The following NEURL1 variants were observed in gnomAD, a reference collection of about 807,000 sequenced individuals.
NEURL1 encodes E3 ubiquitin-protein ligase NEURL1.
In NEURL1, 26 loss-of-function variants were observed where a neutral mutation model predicts 41.2. That is an observed-to-expected ratio of 0.63 (90% CI 0.46 to 0.87). The LOEUF (loss-of-function observed/expected upper bound fraction) is 0.87, where lower values mean the gene tolerates loss of function less well. NEURL1 is among the 40% of genes least tolerant of loss of function. The pLI is 0.00. For missense variants in NEURL1, 761 were observed against 871.1 expected, an observed-to-expected ratio of 0.87 and a Z score of 1.59; for synonymous variants, 400 against 402.3, an observed-to-expected ratio of 0.99 and a Z score of 0.07.
chr10:103,554,484 A>G (rs1056740673), intron 1 of NEURL1, among the ~76,000 whole-genome samples: 1 of 152,046 alleles, frequency 6.6e-6, no homozygotes, highest in African/African-American at 2.4e-5. Flanking sequence ...GTGTATGTGC[A>G]TGGTTAAAGG....
chr10:103,542,094 G>C (rs749069113), intron 1 of NEURL1, among the ~76,000 whole-genome samples: 2 of 152,186 alleles, frequency 1.3e-5, no homozygotes, highest in Non-Finnish European at 2.9e-5. Context: ...GGGTCACCTG[G>C]CCATTCTTGA....
At chr10:103,562,249 G>A (rs1264295652) in intron 1 of NEURL1, among the ~76,000 whole-genome samples, 1 of 152,172 alleles carries the variant, frequency 6.6e-6, no homozygotes, top group African/African-American at 2.4e-5. Context: ...CAGGCGTGGT[G>A]GCTCGCGCCT....
intron 4 of NEURL1, 122 bp from the exon 5 acceptor site, chr10:103,589,392 G>T: frequency 2.7e-6 from 3 of 1,111,298 alleles, no homozygotes; most frequent in Non-Finnish European, 3.8e-6. Flanking sequence ...GCAAAATCCC[G>T]CTCTTGGCCC....
chr10:103,563,149 A>G (rs1182176401), intron 1 of NEURL1, among the ~76,000 whole-genome samples: 1 of 152,214 alleles, frequency 6.6e-6, no homozygotes, highest in Non-Finnish European at 1.5e-5. Context: ...CTCCCATTGG[A>G]CTGAAATGAG....
chr10:103,555,902 A>G (rs1717401713), intron 1 of NEURL1, among the ~76,000 whole-genome samples: 1 of 152,178 alleles, frequency 6.6e-6, no homozygotes, highest in African/African-American at 2.4e-5. Flanking sequence ...GGAGCCCCGC[A>G]AAGACATGTG....
intron 4 of NEURL1, among the ~76,000 whole-genome samples, chr10:103,589,238 T>A (rs1285102492): frequency 1.3e-5 from 2 of 152,192 alleles, no homozygotes; most frequent in African/African-American, 2.4e-5. Flanking sequence ...TTGGAGCTGC[T>A]GTTTTAACAA....
intron 4 of NEURL1, chr10:103,588,942 G>GAAAAAA: frequency 2.8e-5 from 9 of 319,072 alleles, no homozygotes; most frequent in East Asian, 9.2e-5. Context: ...GACTCCGTCT[G>GAAAAAA]AAAAAAAAAA....
intron 3 of NEURL1, among the ~76,000 whole-genome samples, chr10:103,573,183 A>G (rs867485569): frequency 2.6e-5 from 4 of 152,190 alleles, no homozygotes; most frequent in Admixed American, 6.5e-5. Flanking sequence ...TTTCACCTCA[A>G]CAAAAGTGTT....
At chr10:103,515,825 G>A (rs1302183672) in intron 1 of NEURL1, among the ~76,000 whole-genome samples, 1 of 152,210 alleles carries the variant, frequency 6.6e-6, no homozygotes, top group African/African-American at 2.4e-5. Flanking sequence ...AGAGGGACAA[G>A]TTGGAAGACC....
In NEURL1 at chr10:103,494,199, G is replaced by T; in HGVS notation, c.-189G>T. 2.0e-6 allele frequency: 1 copy of T among 511,128 alleles called. No individual in the cohort carries two copies. 31.7% of individuals were successfully genotyped at this position (511,128 alleles called of 1,614,324 possible). On this transcript the variant is annotated 5_prime_UTR_variant, in exon 1 of 6. Transcript: ENST00000369780. ...TGCGCCAGGACACCCGTGGCGGGCG[G>T]AACCCGCCAAGGACCGCGAAGTCCA...
chr10:103,505,243 A>G (rs1438703802), intron 1 of NEURL1, among the ~76,000 whole-genome samples: 1 of 123,822 alleles, frequency 8.1e-6, no homozygotes, highest in African/African-American at 2.9e-5. Context: ...TTTTTTTGGT[A>G]GACGGAGTCT....
At chr10:103,503,963 A>T (rs773258107) in intron 1 of NEURL1, among the ~76,000 whole-genome samples, 182 of 57,844 alleles carry the variant, frequency 3.1e-3, no homozygotes, top group Non-Finnish European at 3.6e-3. Context: ...CTAGTATTTT[A>T]TTTATTTATT....
At chr10:103,546,322 C>A (rs1317780965) in intron 1 of NEURL1, among the ~76,000 whole-genome samples, 3 of 152,248 alleles carry the variant, frequency 2.0e-5, no homozygotes, top group African/African-American at 7.2e-5. Flanking sequence ...TCTGGCCCAG[C>A]TCTGGCACTT....
chr10:103,532,641 T>C (rs2034595023), intron 1 of NEURL1, among the ~76,000 whole-genome samples: 2 of 152,226 alleles, frequency 1.3e-5, no homozygotes, highest in Non-Finnish European at 2.9e-5. Context: ...CTTAGTCTAA[T>C]AGATATTCCT....
intron 1 of NEURL1, among the ~76,000 whole-genome samples, chr10:103,499,180 C>T (rs1323273581): frequency 6.6e-6 from 1 of 152,194 alleles, no homozygotes; most frequent in African/African-American, 2.4e-5. Flanking sequence ...GCCAGCGAGA[C>T]ACCTGTTGTT....
intron 1 of NEURL1, among the ~76,000 whole-genome samples, chr10:103,553,632 C>T (rs1271959580): frequency 1.3e-5 from 2 of 152,346 alleles, no homozygotes; most frequent in Middle Eastern, 3.4e-3. Flanking sequence ...TCCCCAGACC[C>T]ACTCAGAAGT....
intron 1 of NEURL1, among the ~76,000 whole-genome samples, chr10:103,555,803 G>A (rs2035140726): frequency 6.6e-6 from 1 of 152,204 alleles, no homozygotes; most frequent in African/African-American, 2.4e-5. Flanking sequence ...CTCCCGGGAC[G>A]GAGGCAGCCA....
chr10:103,548,695 C>G (rs899933467), intron 1 of NEURL1, among the ~76,000 whole-genome samples: 10 of 152,340 alleles, frequency 6.6e-5, no homozygotes, highest in Non-Finnish European at 1.0e-4. Flanking sequence ...AGACTTTAGT[C>G]CTTCCAGTTC....
rs2035436336 is a variant in NEURL1 at position 103,566,936 on chromosome 10, GGTT to G, written c.86-3935_86-3933del. On this transcript the variant is annotated intron_variant, in intron 1 of 5. Coordinates refer to ENST00000369780, the MANE Select transcript of NEURL1 (RefSeq NM_004210.5). The surrounding 1 kb of genome is among the most constrained non-coding windows in gnomAD (Gnocchi z 4.2). ...TATTGCCCTGTGTGCTACATGAGAT[GGTT>G]TTGGGTGGTACATAAAGGAAACTTT... Among the ~76,000 whole-genome samples, 1 of 151,490 alleles carries G rather than the reference GGTT, an allele frequency of 6.6e-6. No individual in the cohort carries two copies. The highest frequency in any genetic ancestry group is 1.5e-5 in the Non-Finnish European group (1 of 67,908).
Sources: gnomAD v4.1 joint callset for allele counts (sites outside exome capture counted in the v4.1 genomes callset) on GRCh38, gnomAD v4.1.1 for gene constraint, Gnocchi (gnomAD v3.1) non-coding constraint, MANE v1.5 for transcripts, NCBI Gene and HGNC (gene_info 2026-07-23, HGNC 2026-07-21) for gene names.